Variants in ECE1 observed in about 807,000 individuals in gnomAD.
The protein encoded by ECE1 is endothelin-converting enzyme 1.
In ECE1, 35 loss-of-function variants were observed where a neutral mutation model predicts 98.6. The observed-to-expected ratio is 0.35, with a 90% confidence interval of 0.27 to 0.47. The LOEUF is 0.47. Among genes scored for constraint, ECE1 ranks in the 20% least tolerant of loss-of-function variants. The pLI is 1.00. For synonymous variants in ECE1, 394 were observed against 407.1 expected (o/e 0.97, Z 0.39); for missense variants, 814 against 1,025.3 (o/e 0.79, Z 2.81).
chr1:21,312,718 G>C (rs1638755152), intron 1 of ECE1, among the ~76,000 whole-genome samples: 1 of 152,088 alleles, frequency 6.6e-6, no homozygotes, highest in Non-Finnish European at 1.5e-5. Flanking sequence ...CAGCAGGCTG[G>C]AGTGTGGTGG....
chr1:21,285,193 G>A (rs965362320), intron 2 of ECE1, among the ~76,000 whole-genome samples: 1 of 152,084 alleles, frequency 6.6e-6, no homozygotes, highest in African/African-American at 2.4e-5. Context: ...CCGTTGTAGG[G>A]GAGGGCACTC....
intron 1 of ECE1, among the ~76,000 whole-genome samples, chr1:21,295,977 T>C (rs1174833324): frequency 2.0e-5 from 3 of 152,138 alleles, no homozygotes; most frequent in Non-Finnish European, 4.4e-5. Context: ...AGCCCAAGCC[T>C]GCGTGAACCA....
rs188571116 is a variant in ECE1, at chr1:21,330,528, G to A, written c.3+14848C>T. ...TTACAGGTGTGAGCTACCGCCCCTAGCTGACCTCACCAAATACTATTCAGC... is the reference window on the plus strand; with the variant it reads ...TTACAGGTGTGAGCTACCGCCCCTAACTGACCTCACCAAATACTATTCAGC... On this transcript the variant is annotated intron_variant, in intron 1 of 18. Coordinates refer to the ECE1 transcript ENST00000415912. Among the ~76,000 whole-genome samples, 3 of 152,144 alleles carry A rather than the reference G, an allele frequency of 2.0e-5. No individual in the cohort carries two copies. In the East Asian group the frequency reaches 5.8e-4, roughly 29 times the overall value.
chr1:21,235,750 AC>A lies in ECE1; in HGVS notation c.1566+99del. ...CACATCATCCCTGTGTGTTTTGACA[AC>A]CATGCTGCCTCTAGCACCCCATCTG... On this transcript the variant is annotated intron_variant, in intron 13 of 18. Coordinates refer to ENST00000374893, the MANE Select transcript of ECE1 (RefSeq NM_001397.3). The surrounding 1 kb of genome is among the most constrained non-coding windows in gnomAD (Gnocchi z 4.2). 1.6e-6 allele frequency: 2 copies of A among 1,229,878 alleles called. No homozygotes were observed. The highest frequency in any genetic ancestry group is 2.4e-6 in the Non-Finnish European group (2 of 831,244). The allele number at this position is 1,229,878 out of a possible 1,614,324, so 76.2% of individuals were successfully genotyped here.
chr1:21,342,644 A>ACG (rs1248935890), intron 1 of ECE1, among the ~76,000 whole-genome samples: 32 of 141,608 alleles, frequency 2.3e-4, no homozygotes, highest in African/African-American at 8.7e-4. Context: ...ACACACACAC[A>ACG]CACGCCCTGC....
At chr1:21,263,113 G>C (rs188978863) in intron 4 of ECE1, among the ~76,000 whole-genome samples, 14 of 152,262 alleles carry the variant, frequency 9.2e-5, no homozygotes, top group African/African-American at 2.6e-4. Context: ...TTTGAGCTTC[G>C]GGCTGAAGGA....
rs143004527 is a variant in ECE1, at chr1:21,234,428, T to C, written c.1567-767A>G. 1.6e-4 allele frequency among the ~76,000 whole-genome samples: 24 copies of C among 150,744 alleles called. No homozygotes were observed. The Admixed American group carries it at 1.6e-3, about 10-fold the overall frequency. On this transcript the variant is annotated intron_variant, in intron 13 of 18. Coordinates refer to ENST00000374893, the MANE Select transcript of ECE1 (RefSeq NM_001397.3). ...AAGTAAAGTAGAAATCTATCTGAACTGTCAAGGGCATCACTGTACACCCTT... is the reference window on the plus strand; with the variant it reads ...AAGTAAAGTAGAAATCTATCTGAACCGTCAAGGGCATCACTGTACACCCTT...
At chr1:21,270,241 T>C (rs2098238717) in intron 4 of ECE1, among the ~76,000 whole-genome samples, 1 of 152,230 alleles carries the variant, frequency 6.6e-6, no homozygotes. Context: ...ATCTATAAAA[T>C]GGGAACAACA....
At chr1:21,231,893 C>T (rs1482062665) in intron 14 of ECE1, among the ~76,000 whole-genome samples, 1 of 152,198 alleles carries the variant, frequency 6.6e-6, no homozygotes, top group Non-Finnish European at 1.5e-5. Flanking sequence ...GAATTACAGG[C>T]GTGGGCCGCT....
intron 1 of ECE1, among the ~76,000 whole-genome samples, chr1:21,309,593 G>A (rs903048098): frequency 2.0e-5 from 3 of 152,148 alleles, no homozygotes; most frequent in Non-Finnish European, 4.4e-5. Flanking sequence ...ATTGTCCCAA[G>A]CAGGTCATGA....
At chr1:21,270,063 C>A (rs181201933) in intron 4 of ECE1, among the ~76,000 whole-genome samples, 7 of 152,348 alleles carry the variant, frequency 4.6e-5, no homozygotes, top group South Asian at 4.1e-4. Context: ...CCACACAATG[C>A]ACAAGAGCCC....
Position 21,345,223 on chromosome 1 carries a change from C to T in ECE1, c.3+153G>A. 3.7e-6 allele frequency: 4 copies of T among 1,067,426 alleles called. No homozygotes were observed. Among genetic ancestry groups the T allele is most frequent in the Non-Finnish European group, 4.6e-6 (4 of 861,124 alleles). The allele number at this position is 1,067,426 out of a possible 1,614,324, so 66.1% of individuals were successfully genotyped here. A position where few individuals can be genotyped will look rare whatever the true frequency, so the allele number is the denominator to read the frequency against. On this transcript the variant is annotated intron_variant, in intron 1 of 18. Coordinates refer to the ECE1 transcript ENST00000415912. The surrounding 1 kb of genome is among the most constrained non-coding windows in gnomAD (Gnocchi z 5.1). ...CGCTCTGCCCGGGCGCTCCCCGACT[C>T]CACGCCTTCCGAGAGCCGGGCGGGG...
chr1:21,330,298 T>G (rs1639173677), intron 1 of ECE1, among the ~76,000 whole-genome samples: 1 of 139,032 alleles, frequency 7.2e-6, no homozygotes, highest in African/African-American at 2.7e-5. Flanking sequence ...TGCAGTGGCA[T>G]GATCTCCACT....
At chr1:21,338,285 G>A (rs1171497549) in intron 1 of ECE1, among the ~76,000 whole-genome samples, 2 of 152,226 alleles carry the variant, frequency 1.3e-5, no homozygotes, top group Non-Finnish European at 2.9e-5. Context: ...CAGTTTCCAA[G>A]TGACGCAACC....
chr1:21,273,869 A>G (rs746596987), intron 3 of ECE1, among the ~76,000 whole-genome samples: 3 of 152,220 alleles, frequency 2.0e-5, no homozygotes, highest in Non-Finnish European at 4.4e-5. Context: ...CAGAGGCAAG[A>G]GGAAAGGGCC....
intron 17 of ECE1, 35 bp from the exon 18 acceptor site, chr1:21,221,877 C>T (rs764522394): frequency 6.3e-7 from 1 of 1,599,790 alleles, no homozygotes; most frequent in Admixed American, 1.7e-5. Context: ...CAGGGGTTCC[C>T]ATGGCAGGTG....
chr1:21,262,364 CAGA>C (rs1298961302), intron 4 of ECE1, among the ~76,000 whole-genome samples: 1 of 152,158 alleles, frequency 6.6e-6, no homozygotes, highest in African/African-American at 2.4e-5. Flanking sequence ...AGCTGGGATA[CAGA>C]AGATCAGGGA....
intron 9 of ECE1, 79 bp from the exon 10 acceptor site, chr1:21,245,182 G>T: frequency 7.5e-7 from 1 of 1,327,916 alleles, no homozygotes. Context: ...TGGCCCCTAG[G>T]GGGCTCTCAA....
intron 1 of ECE1, among the ~76,000 whole-genome samples, chr1:21,303,394 C>A (rs1638528111): frequency 2.0e-5 from 3 of 152,226 alleles, no homozygotes; most frequent in South Asian, 2.1e-4. Flanking sequence ...CACTCCATAA[C>A]CTTGGGCAAA....
Sources: gnomAD v4.1 joint callset for allele counts (sites outside exome capture counted in the v4.1 genomes callset) on GRCh38, gnomAD v4.1.1 for gene constraint, Gnocchi (gnomAD v3.1) non-coding constraint, MANE v1.5 for transcripts, NCBI Gene and HGNC (gene_info 2026-07-23, HGNC 2026-07-21) for gene names.